Variants in HLTF observed in about 807,000 individuals in gnomAD.
The protein encoded by HLTF is helicase like transcription factor, also known as DNA-dependent ATPase/E3 ubiquitin-protein ligase HLTF.
HLTF carries 127 observed loss-of-function variants against 129.4 expected under a neutral mutation model. The ratio of observed to expected loss-of-function variants is 0.98; its 90% CI spans 0.85 to 1.14. HLTF has a LOEUF of 1.14. HLTF is among the 50% of genes most tolerant of loss of function. The probability of loss-of-function intolerance (pLI) is 0.00; values close to 1 mark genes in which losing one functional copy is unlikely to be tolerated. For synonymous variants in HLTF, 332 were observed against 388.8 expected, an observed-to-expected ratio of 0.85 and a Z score of 1.72; for missense variants, 1,139 against 1,187.1, an observed-to-expected ratio of 0.96 and a Z score of 0.60.
At chr3:149,056,555 C>T (rs1320178176) in intron 13 of HLTF, among the ~76,000 whole-genome samples, 3 of 152,054 alleles carry the variant, frequency 2.0e-5, no homozygotes, top group African/African-American at 7.3e-5. Context: ...TACAGTAGTC[C>T]CTCCTTATCC....
At chr3:149,062,948 A>G in intron 10 of HLTF, 1 of 382,498 alleles carries the variant, frequency 2.6e-6, no homozygotes, top group Non-Finnish European at 5.3e-6. Context: ...CATCTGTAAA[A>G]TGAGAATACT....
At chr3:149,060,309 G>T (rs573142964) in intron 12 of HLTF, among the ~76,000 whole-genome samples, 1 of 152,178 alleles carries the variant, frequency 6.6e-6, no homozygotes, top group Non-Finnish European at 1.5e-5. Context: ...TAATAGTATT[G>T]CCAGGAAGAC....
At chr3:149,048,725 C>T in intron 16 of HLTF, 138 bp downstream of exon 16, 1 of 640,968 alleles carries the variant, frequency 1.6e-6, no homozygotes, top group African/African-American at 1.8e-5. Flanking sequence ...CAACTCAAAA[C>T]ATTTGATTAA....
intron 20 of HLTF, 63 bp from the exon 21 acceptor site, chr3:149,040,219 A>C: frequency 1.4e-6 from 2 of 1,430,900 alleles, no homozygotes. Flanking sequence ...AATATGCCTA[A>C]AAATTTTTAA....
intron 2 of HLTF, among the ~76,000 whole-genome samples, chr3:149,083,165 C>G (rs144143268): frequency 0.014 from 2,192 of 152,052 alleles, 41 homozygotes; most frequent in African/African-American, 0.051. Flanking sequence ...GCAGGAGAAC[C>G]GCTTGAACCT....
At chr3:149,052,879 G>A (rs1717113930) in intron 14 of HLTF, among the ~76,000 whole-genome samples, 1 of 152,162 alleles carries the variant, frequency 6.6e-6, no homozygotes, top group Non-Finnish European at 1.5e-5. Context: ...CAGCTTTTCT[G>A]GAGAATAAAG....
chr3:149,085,077 GT>G (rs1720239048), intron 1 of HLTF, among the ~76,000 whole-genome samples, 188 bp from the exon 2 acceptor site: 1 of 152,198 alleles, frequency 6.6e-6, no homozygotes, highest in Non-Finnish European at 1.5e-5. Flanking sequence ...AACTCTACCT[GT>G]TTTCAATATT....
rs1433006563 is a variant in HLTF, at chr3:149,048,961, C to G, written c.1658G>C (p.Arg553Thr). The G allele has an allele frequency of 6.2e-7, 1 of 1,609,092 alleles. No homozygotes were observed. The highest frequency in any genetic ancestry group is 1.1e-5 in the South Asian group (1 of 90,950). Reference protein sequence around the residue: ...DSPLHSIRWLRVILDEGHAIR... With the variant: ...DSPLHSIRWLTVILDEGHAIR... ...GGCATGTCCTTCATCCAGGATCACT[C>G]TTAGCCACCTTATGCTATGTAATGG... The change falls in exon 16 of 25, where the codon AGA becomes ACA. Residue 553 changes from arginine (R) to threonine (T), a missense_variant. Physicochemically the swap from Arg to Thr is moderately conservative, Grantham distance 71 (BLOSUM62 -1). Coordinates refer to ENST00000310053, the MANE Select transcript of HLTF (RefSeq NM_003071.4).
intron 5 of HLTF, among the ~76,000 whole-genome samples, chr3:149,072,627 G>A (rs1718974575): frequency 6.6e-6 from 1 of 152,140 alleles, no homozygotes. Flanking sequence ...GAAGTAACCG[G>A]GGGCTTATCT....
intron 7 of HLTF, among the ~76,000 whole-genome samples, chr3:149,070,468 T>G (rs1718753000): frequency 6.6e-6 from 1 of 152,252 alleles, no homozygotes; most frequent in South Asian, 2.1e-4. Flanking sequence ...GCAATGAGTT[T>G]GTACTGCTAT....
intron 10 of HLTF, among the ~76,000 whole-genome samples, chr3:149,062,191 T>C (rs1718008892): frequency 6.6e-6 from 1 of 152,238 alleles, no homozygotes; most frequent in Non-Finnish European, 1.5e-5. Flanking sequence ...GAGTGCCTGT[T>C]ACACAATAAC....
intron 2 of HLTF, among the ~76,000 whole-genome samples, chr3:149,077,512 G>C (rs1719479933): frequency 6.6e-6 from 1 of 151,948 alleles, no homozygotes; most frequent in Non-Finnish European, 1.5e-5. Context: ...AATTTTACAG[G>C]AAAGTGTTTT....
chr3:149,075,742 A>G, intron 3 of HLTF, 139 bp downstream of exon 3: 1 of 473,584 alleles, frequency 2.1e-6, no homozygotes, highest in Non-Finnish European at 3.7e-6. Flanking sequence ...GGAGAAATAA[A>G]ACATTTATTT....
At chr3:149,057,205 A>G (rs1316596744) in intron 13 of HLTF, among the ~76,000 whole-genome samples, 1 of 149,462 alleles carries the variant, frequency 6.7e-6, no homozygotes, top group African/African-American at 2.5e-5. Context: ...AGGCGGGTGG[A>G]TCATGAGGTC....
intron 5 of HLTF, 31 bp downstream of exon 5, chr3:149,073,193 CT>C: frequency 1.4e-6 from 2 of 1,453,174 alleles, no homozygotes; most frequent in Non-Finnish European, 1.9e-6. Flanking sequence ...TTAAAATTCA[CT>C]TTTAGATTAC....
At position 149,058,224 on chromosome 3, in the gene HLTF, A is replaced by G. The variant is rs533416071; in HGVS notation, c.1375+1494T>C. 3.4e-3 allele frequency among the ~76,000 whole-genome samples: 511 copies of G among 152,210 alleles called. 2 individuals carry two copies. The highest frequency in any genetic ancestry group is 0.012 in the African/African-American group (495 of 41,536). ...GTAGCTGGGACTACAGGCATGTGCT[A>G]CCATGCCTGGCTAATTTTGTGTATT... On this transcript the variant is annotated intron_variant, in intron 13 of 24. Transcript: ENST00000310053.
chr3:149,032,264 T>G lies in HLTF; in HGVS notation c.2986A>C (p.Lys996Gln). The part of the protein sequence containing the change: ...GTKKPNADEM[K>Q]QAKINEIRTL... ...CTGATTTCATTAATTTTGGCTTGTT[T>G]CATTTCGTCAGCATTTGGTTTTTTA... Residue 996 changes from lysine to glutamine, a missense_variant, in exon 25 of 25, where the codon AAA (lysine) becomes CAA (glutamine). Physicochemically the swap from Lys to Gln is moderately conservative, Grantham distance 53. Transcript: ENST00000310053. 1 of 1,599,796 alleles carries G rather than the reference T, an allele frequency of 6.3e-7. No homozygotes were observed. The highest frequency in any genetic ancestry group is 1.1e-5 in the South Asian group (1 of 87,340).
At chr3:149,083,029 A>G (rs1458245533) in intron 2 of HLTF, among the ~76,000 whole-genome samples, 3 of 152,176 alleles carry the variant, frequency 2.0e-5, no homozygotes, top group African/African-American at 7.2e-5. Context: ...AGGTGAGTGG[A>G]TCACCTGAGG....
intron 5 of HLTF, 144 bp from the exon 6 acceptor site, chr3:149,071,801 C>A (rs1236523875): frequency 3.2e-6 from 2 of 622,054 alleles, no homozygotes; most frequent in Non-Finnish European, 5.6e-6. Context: ...AATCTCAGCA[C>A]TTTGGGAGAC....
Sources: allele counts gnomAD v4.1 joint callset (sites outside exome capture counted in the v4.1 genomes callset), GRCh38; gene constraint gnomAD v4.1.1; transcripts MANE v1.5; gene names NCBI Gene and HGNC (gene_info 2026-07-23, HGNC 2026-07-21).